The following SCFD2 variants were observed in gnomAD, a reference collection of about 807,000 sequenced individuals.
SCFD2 encodes the protein sec1 family domain-containing protein 2.
SCFD2 carries 54 observed loss-of-function variants against 58.9 expected under a neutral mutation model. That is an observed-to-expected ratio of 0.92 (90% CI 0.74 to 1.15). The LOEUF is 1.15. Ranked by LOEUF, SCFD2 falls within the 50% of genes most tolerant of loss-of-function variation. The probability of loss-of-function intolerance (pLI) is 0.00; values close to 1 mark genes in which losing one functional copy is unlikely to be tolerated. For missense variants in SCFD2, 805 were observed against 836.6 expected (o/e 0.96, Z 0.47); for synonymous variants, 321 against 335.9 (o/e 0.96, Z 0.49).
intron 7 of SCFD2, among the ~76,000 whole-genome samples, chr4:52,905,170 C>G (rs1196344289): frequency 6.6e-6 from 1 of 152,216 alleles, no homozygotes; most frequent in Non-Finnish European, 1.5e-5. Flanking sequence ...TTCTGGAGAG[C>G]CTTAAAGCAG....
chr4:52,890,282 A>G (rs1209969440), intron 7 of SCFD2, among the ~76,000 whole-genome samples: 1 of 152,232 alleles, frequency 6.6e-6, no homozygotes, highest in African/African-American at 2.4e-5. Flanking sequence ...TTGACAGATG[A>G]AAAGGGAAAA....
At chr4:53,258,534 GTGTGTATATATATATA>G in intron 4 of SCFD2, among the ~76,000 whole-genome samples, 1 of 96,988 alleles carries the variant, frequency 1.0e-5, no homozygotes, top group South Asian at 3.8e-4. Flanking sequence ...TCCATGGTGT[GTGTGTATATATATATA>G]TATATATATA....
intron 6 of SCFD2, among the ~76,000 whole-genome samples, chr4:52,912,621 C>T (rs554313745): frequency 6.6e-6 from 1 of 152,178 alleles, no homozygotes; most frequent in South Asian, 2.1e-4. Context: ...TTCTCAGGCA[C>T]GAAACAGTAC....
intron 5 of SCFD2, among the ~76,000 whole-genome samples, chr4:53,050,640 A>G (rs1723164363): frequency 2.0e-5 from 3 of 152,332 alleles, no homozygotes; most frequent in South Asian, 2.1e-4. Context: ...GCCTCATTCC[A>G]ACCCATTCTC....
chr4:53,331,792 A>C (rs1451898304), intron 2 of SCFD2, among the ~76,000 whole-genome samples: 1 of 152,236 alleles, frequency 6.6e-6, no homozygotes, highest in Non-Finnish European at 1.5e-5. Flanking sequence ...CCTTCAAAAA[A>C]TTAATGAATC....
chr4:53,004,419 A>C (rs1721926498), intron 5 of SCFD2, among the ~76,000 whole-genome samples: 1 of 152,248 alleles, frequency 6.6e-6, no homozygotes, highest in African/African-American at 2.4e-5. Flanking sequence ...ACCCACTGCC[A>C]TTGTAATCAG....
chr4:52,875,768 T>C (rs1468400086), intron 8 of SCFD2, among the ~76,000 whole-genome samples: 10 of 137,156 alleles, frequency 7.3e-5, no homozygotes, highest in East Asian at 2.1e-4. Context: ...TTTGGAAGCA[T>C]CTATGTTACT....
At chr4:52,897,194 T>C (rs1413506177) in intron 7 of SCFD2, among the ~76,000 whole-genome samples, 1 of 152,200 alleles carries the variant, frequency 6.6e-6, no homozygotes, top group Non-Finnish European at 1.5e-5. Context: ...CAACACTATG[T>C]TGAACAGGAG....
At chr4:53,297,553 C>T (rs114797017) in intron 3 of SCFD2, among the ~76,000 whole-genome samples, 2,648 of 152,106 alleles carry the variant, frequency 0.017, 85 homozygotes, top group African/African-American at 0.061. Context: ...TGTGTCCTTG[C>T]ATGTGAGATG....
intron 4 of SCFD2, among the ~76,000 whole-genome samples, chr4:53,163,533 T>C (rs555383821): frequency 9.2e-5 from 14 of 152,104 alleles, no homozygotes; most frequent in Non-Finnish European, 1.8e-4. Context: ...AGACCAGTGA[T>C]TGAGCCAACA....
intron 3 of SCFD2, among the ~76,000 whole-genome samples, chr4:53,293,143 G>A (rs1731901344): frequency 6.6e-6 from 1 of 152,144 alleles, no homozygotes; most frequent in Admixed American, 6.6e-5. Context: ...ATGAGATCAT[G>A]TCTTTTGCAG....
At chr4:53,053,429 G>GA (rs1723238822) in intron 5 of SCFD2, among the ~76,000 whole-genome samples, 2 of 152,110 alleles carry the variant, frequency 1.3e-5, no homozygotes, top group African/African-American at 2.4e-5. Context: ...ATATCTTAAT[G>GA]AAAAAGAAAA....
intron 5 of SCFD2, among the ~76,000 whole-genome samples, chr4:53,135,355 A>G (rs1472312437): frequency 6.6e-6 from 1 of 152,218 alleles, no homozygotes; most frequent in African/African-American, 2.4e-5. Context: ...AATTTCTTAA[A>G]CTTTGGTGAT....
intron 5 of SCFD2, among the ~76,000 whole-genome samples, chr4:52,933,981 G>A (rs1473262128): frequency 6.6e-6 from 1 of 152,092 alleles, no homozygotes; most frequent in Non-Finnish European, 1.5e-5. Flanking sequence ...AGATGTTGGT[G>A]ACATGCCTTT....
intron 5 of SCFD2, among the ~76,000 whole-genome samples, chr4:53,069,656 GT>G (rs956094521): frequency 1.4e-4 from 21 of 152,052 alleles, no homozygotes; most frequent in Admixed American, 1.1e-3. Flanking sequence ...GTGCCAGTTT[GT>G]TTTTTCCCCC....
At chr4:53,235,916 C>G (rs531956873) in intron 4 of SCFD2, among the ~76,000 whole-genome samples, 108 of 152,208 alleles carry the variant, frequency 7.1e-4, no homozygotes, top group African/African-American at 2.5e-3. Flanking sequence ...CACTCTAAAG[C>G]CTGGGGCAAT....
chr4:53,358,011 A>C (rs1010001147), intron 1 of SCFD2, among the ~76,000 whole-genome samples: 6 of 152,216 alleles, frequency 3.9e-5, no homozygotes, highest in Non-Finnish European at 5.9e-5. Context: ...GGATAATTAT[A>C]ATACTTATCT....
At chr4:53,116,394 T>A (rs370139476) in intron 5 of SCFD2, among the ~76,000 whole-genome samples, 48 of 152,236 alleles carry the variant, frequency 3.2e-4, no homozygotes, top group African/African-American at 9.9e-4. Flanking sequence ...GAGGGGGACA[T>A]AATAAATAAT....
intron 5 of SCFD2, among the ~76,000 whole-genome samples, chr4:52,932,226 G>T (rs1720014539): frequency 6.6e-6 from 1 of 152,216 alleles, no homozygotes; most frequent in Non-Finnish European, 1.5e-5. Context: ...TGACACTTCT[G>T]GCTGTGATGC....
Sources: allele counts gnomAD v4.1 joint callset (sites outside exome capture counted in the v4.1 genomes callset), GRCh38; gene constraint gnomAD v4.1.1; transcripts MANE v1.5; gene names NCBI Gene and HGNC (gene_info 2026-07-23, HGNC 2026-07-21).